The following GSE1 variants were observed in gnomAD, a reference collection of about 807,000 sequenced individuals.
GSE1 encodes the protein genetic suppressor element 1.
Under a neutral mutation model 112.6 loss-of-function variants are expected in GSE1, and 32 were observed. The observed-to-expected ratio is 0.28, with a 90% CI of 0.21 to 0.38. The LOEUF (loss-of-function observed/expected upper bound fraction) is 0.38. GSE1 is among the 10% of genes least tolerant of loss of function. GSE1 has a pLI of 1.00. For synonymous variants in GSE1, 1,115 were observed against 735.6 expected, an observed-to-expected ratio of 1.52 and a Z score of -8.35; for missense variants, 2,348 against 1,699.2, an observed-to-expected ratio of 1.38 and a Z score of -6.71.
At chr16:85,353,189 G>C (rs1329636487) in intron 1 of GSE1, among the ~76,000 whole-genome samples, 1 of 152,196 alleles carries the variant, frequency 6.6e-6, no homozygotes, top group Non-Finnish European at 1.5e-5. Context: ...CACTTGGTTT[G>C]TTGGCCAGGA....
rs56412632 is a variant in GSE1 at position 85,597,399 on chromosome 16, G to A, written c.37+41036G>A. Among the ~76,000 whole-genome samples, 738 of 116,040 alleles carry A rather than the reference G, an allele frequency of 6.4e-3. 8 individuals are homozygous for A. The highest frequency in any genetic ancestry group is 0.021 in the African/African-American group (579 of 27,526). 76.1% of individuals were successfully genotyped at this position (116,040 alleles called of 152,430 possible). A position where few individuals can be genotyped will look rare whatever the true frequency, so the allele number is the denominator to read the frequency against. The stretch of plus-strand genomic sequence containing the variant: ...AAAAAAAAAAAAAAAAAAAAAAAAA[G>A]AAGAAGAAAGTTCTGTCAGAGAGCA... On this transcript the variant is annotated intron_variant, in intron 1 of 2. Transcript: ENST00000635906.
At chr16:85,337,229 A>T (rs1463504081) in intron 1 of GSE1, among the ~76,000 whole-genome samples, 2 of 151,856 alleles carry the variant, frequency 1.3e-5, no homozygotes, top group Admixed American at 6.5e-5. Context: ...GGGCCTAGGC[A>T]GCACAGCCCC....
chr16:85,229,239 T>C (rs150324023), intron 1 of GSE1, among the ~76,000 whole-genome samples: 2,310 of 152,274 alleles, frequency 0.015, 21 homozygotes, highest in Non-Finnish European at 0.023. Context: ...GTGGCAGCCA[T>C]GTCGGGTTGA....
intron 1 of GSE1, among the ~76,000 whole-genome samples, chr16:85,558,308 C>T (rs536362216): frequency 3.9e-5 from 6 of 152,346 alleles, no homozygotes; most frequent in Admixed American, 2.6e-4. Context: ...GCCTCCCCGG[C>T]AGCTATGCCT....
chr16:85,454,921 A>T (rs1480756586), intron 2 of GSE1, among the ~76,000 whole-genome samples: 1 of 152,078 alleles, frequency 6.6e-6, no homozygotes, highest in Non-Finnish European at 1.5e-5. Context: ...CCTCCAAATA[A>T]GGTCGCCTGC....
At chr16:85,597,345 G>C (rs886934974) in intron 1 of GSE1, among the ~76,000 whole-genome samples, 9 of 123,364 alleles carry the variant, frequency 7.3e-5, no homozygotes, top group African/African-American at 2.6e-4. Flanking sequence ...CTGCACTCCA[G>C]CCTGGGCAAC....
At chr16:85,201,297 C>G in intron 1 of GSE1, among the ~76,000 whole-genome samples, 1 of 151,508 alleles carries the variant, frequency 6.6e-6, no homozygotes, top group South Asian at 2.1e-4. Flanking sequence ...GTTTGAACTC[C>G]TAGGCTCGAG....
At chr16:85,578,987 A>G (rs2046343757) in intron 1 of GSE1, among the ~76,000 whole-genome samples, 2 of 152,096 alleles carry the variant, frequency 1.3e-5, no homozygotes, top group South Asian at 4.2e-4. Flanking sequence ...GCACAGTACC[A>G]GGCACACAGC....
chr16:85,478,927 C>CTTTCTTTCTTTT lies in GSE1; in HGVS notation c.2464+121285_2464+121286insTTCTTTCTTTTT, dbSNP rs1285190496. Among the ~76,000 whole-genome samples, 81 of 28,060 alleles carry CTTTCTTTCTTTT rather than the reference C, an allele frequency of 2.9e-3. 9 individuals carry two copies. The highest frequency in any genetic ancestry group is 0.012 in the African/African-American group (76 of 6,534). The allele number at this position is 28,060 out of a possible 152,430, so 18.4% of individuals were successfully genotyped here. A position where few individuals can be genotyped will look rare whatever the true frequency, so the allele number is the denominator to read the frequency against. ...TCTTTCTTTCTTTCTTTCTTTCTTT[C>CTTTCTTTCTTTT]TCTTTCTTTCTTTCTTTCTTTTTTT... On this transcript the variant is annotated intron_variant, in intron 2 of 2. Transcript: ENST00000637419.
At chr16:85,268,345 A>G (rs1229995518) in intron 1 of GSE1, among the ~76,000 whole-genome samples, 2 of 152,132 alleles carry the variant, frequency 1.3e-5, no homozygotes, top group African/African-American at 2.4e-5. Flanking sequence ...GTCACAGTAC[A>G]AACACTGCCA....
intron 2 of GSE1, among the ~76,000 whole-genome samples, chr16:85,421,097 G>C (rs1050741506): frequency 6.6e-6 from 1 of 152,330 alleles, no homozygotes; most frequent in Middle Eastern, 3.4e-3. Context: ...GATATGTTTG[G>C]TGTTGAGCAC....
chr16:85,518,409 C>T (rs1433825315), intron 2 of GSE1, among the ~76,000 whole-genome samples: 3 of 152,240 alleles, frequency 2.0e-5, no homozygotes, highest in African/African-American at 4.8e-5. Flanking sequence ...TCATCTCATT[C>T]GCTGTCACAC....
chr16:85,364,577 A>G (rs2047148747), intron 2 of GSE1, among the ~76,000 whole-genome samples: 1 of 152,162 alleles, frequency 6.6e-6, no homozygotes, highest in Non-Finnish European at 1.5e-5. Flanking sequence ...TGAGTGACTC[A>G]GGATCCCGGA....
intron 1 of GSE1, among the ~76,000 whole-genome samples, chr16:85,274,953 A>G (rs1398153530): frequency 1.3e-5 from 2 of 152,126 alleles, no homozygotes; most frequent in Non-Finnish European, 2.9e-5. Context: ...GAGACCAGGC[A>G]TTTTCTGCAG....
intron 2 of GSE1, among the ~76,000 whole-genome samples, chr16:85,405,183 AG>A (rs1258781225): frequency 5.2e-4 from 1 of 1,920 alleles, no homozygotes; most frequent in African/African-American, 6.0e-4. Flanking sequence ...TGTTACACTC[AG>A]GGCCCCCTGG....
intron 2 of GSE1, among the ~76,000 whole-genome samples, chr16:85,496,891 T>G (rs1220635040): frequency 7.5e-5 from 10 of 133,954 alleles, no homozygotes; most frequent in Non-Finnish European, 1.3e-4. Flanking sequence ...CCTTTTGGTC[T>G]GGGTCTTTGT....
At chr16:85,539,069 G>A (rs1598109187) in intron 2 of GSE1, among the ~76,000 whole-genome samples, 1 of 152,334 alleles carries the variant, frequency 6.6e-6, no homozygotes, top group East Asian at 1.9e-4. Context: ...ACCTTCCCCT[G>A]CCTCCACACA....
chr16:85,503,648 C>T (rs1396751207), intron 2 of GSE1, among the ~76,000 whole-genome samples: 1 of 152,158 alleles, frequency 6.6e-6, no homozygotes, highest in Non-Finnish European at 1.5e-5. Flanking sequence ...TTAACCTTAA[C>T]TGTCGGGGCT....
At chr16:85,300,915 G>T (rs986781437) in intron 1 of GSE1, among the ~76,000 whole-genome samples, 6 of 152,222 alleles carry the variant, frequency 3.9e-5, no homozygotes, top group Non-Finnish European at 8.8e-5. Flanking sequence ...CAGAATTTGG[G>T]GGGAGTGGGG....
Sources: allele counts gnomAD v4.1 joint callset (sites outside exome capture counted in the v4.1 genomes callset), GRCh38; gene constraint gnomAD v4.1.1; transcripts MANE v1.5; gene names NCBI Gene and HGNC (gene_info 2026-07-23, HGNC 2026-07-21).